Variants in TMEM132D observed in about 807,000 individuals in gnomAD.
TMEM132D encodes mature OL transmembrane protein.
A neutral mutation model predicts 62.3 loss-of-function variants in TMEM132D; 21 were observed. The observed-to-expected ratio is 0.34, with a 90% CI of 0.24 to 0.49. The LOEUF (loss-of-function observed/expected upper bound fraction) is 0.49. Ranked by LOEUF, TMEM132D falls within the 20% of genes least tolerant of loss-of-function variation. The probability of loss-of-function intolerance (pLI) is 0.99; values close to 1 mark genes in which losing one functional copy is unlikely to be tolerated. For synonymous variants in TMEM132D, 621 were observed against 575.6 expected (o/e 1.08, Z -1.13); for missense variants, 1,346 against 1,402.8 (o/e 0.96, Z 0.65).
chr12:129,463,159 T>C (rs1284963975), intron 3 of TMEM132D, among the ~76,000 whole-genome samples: 1 of 152,180 alleles, frequency 6.6e-6, no homozygotes, highest in African/African-American at 2.4e-5. Flanking sequence ...AAACTCTGCT[T>C]TTCTCTCTTA....
At chr12:129,482,290 A>G (rs939045034) in intron 3 of TMEM132D, among the ~76,000 whole-genome samples, 3 of 152,352 alleles carry the variant, frequency 2.0e-5, no homozygotes, top group Middle Eastern at 3.4e-3. Flanking sequence ...GAACGGTTGA[A>G]TTAACTGTGG....
At chr12:129,322,187 C>T (rs929291812) in intron 4 of TMEM132D, among the ~76,000 whole-genome samples, 47 of 151,174 alleles carry the variant, frequency 3.1e-4, no homozygotes, top group African/African-American at 9.7e-4. Flanking sequence ...ATGTTTCCTT[C>T]CTGGTTTTTG....
At chr12:129,502,933 C>T (rs1875199086) in intron 3 of TMEM132D, among the ~76,000 whole-genome samples, 1 of 152,162 alleles carries the variant, frequency 6.6e-6, no homozygotes, top group Non-Finnish European at 1.5e-5. Flanking sequence ...TTCGTCTGTC[C>T]TTTGCCACTA....
At chr12:129,842,155 A>C (rs1593183309) in intron 1 of TMEM132D, among the ~76,000 whole-genome samples, 1 of 107,786 alleles carries the variant, frequency 9.3e-6, no homozygotes, top group Non-Finnish European at 1.8e-5. Context: ...TCACCTTGTT[A>C]GCCAGGATGG....
At chr12:129,433,135 A>T (rs1226876393) in intron 3 of TMEM132D, among the ~76,000 whole-genome samples, 1 of 152,200 alleles carries the variant, frequency 6.6e-6, no homozygotes, top group African/African-American at 2.4e-5. Context: ...GTTCTATGCC[A>T]CAAGTTACTT....
intron 1 of TMEM132D, among the ~76,000 whole-genome samples, chr12:129,726,877 G>C (rs1869053081): frequency 6.6e-6 from 1 of 152,166 alleles, no homozygotes; most frequent in Non-Finnish European, 1.5e-5. Flanking sequence ...CTGAATAGCA[G>C]CTTCCCTGTC....
chr12:129,691,058 G>A (rs1025614989), intron 2 of TMEM132D, among the ~76,000 whole-genome samples: 1 of 151,798 alleles, frequency 6.6e-6, no homozygotes. Flanking sequence ...ACAGATTTTT[G>A]TTAATTAAAA....
chr12:129,869,510 G>A (rs141520518), intron 1 of TMEM132D, among the ~76,000 whole-genome samples: 8 of 152,220 alleles, frequency 5.3e-5, no homozygotes, highest in South Asian at 2.1e-4. Flanking sequence ...TTGTTACGCC[G>A]TATTGCTTTC....
At chr12:129,614,692 CG>C (rs1302820548) in intron 2 of TMEM132D, among the ~76,000 whole-genome samples, 2 of 152,066 alleles carry the variant, frequency 1.3e-5, no homozygotes, top group African/African-American at 4.8e-5. Flanking sequence ...CCAGGCTGGG[CG>C]GGGACTGTGG....
chr12:129,772,511 C>T (rs923220691), intron 1 of TMEM132D, among the ~76,000 whole-genome samples: 2 of 152,186 alleles, frequency 1.3e-5, no homozygotes, highest in African/African-American at 4.8e-5. Context: ...CTGGAAAGGG[C>T]TTCCTATCAA....
intron 3 of TMEM132D, among the ~76,000 whole-genome samples, chr12:129,342,623 T>C (rs1869533646): frequency 6.6e-6 from 1 of 152,020 alleles, no homozygotes. Context: ...GAAACTACCA[T>C]CAGAGTGAAC....
intron 4 of TMEM132D, among the ~76,000 whole-genome samples, chr12:129,330,609 A>C (rs995953452): frequency 7.9e-5 from 12 of 152,216 alleles, no homozygotes; most frequent in Non-Finnish European, 1.6e-4. Flanking sequence ...AAGAGGAGGC[A>C]GAGAGACCTG....
intron 2 of TMEM132D, among the ~76,000 whole-genome samples, chr12:129,573,509 A>G (rs1361902494): frequency 6.6e-6 from 1 of 152,172 alleles, no homozygotes; most frequent in African/African-American, 2.4e-5. Context: ...TAAGTGGGAG[A>G]GGTAGAATTT....
chr12:129,859,312 A>C (rs1287709549), intron 1 of TMEM132D, among the ~76,000 whole-genome samples: 1 of 152,216 alleles, frequency 6.6e-6, no homozygotes, highest in African/African-American at 2.4e-5. Flanking sequence ...GTGTAAAAGT[A>C]ATTGCAGCTT....
In TMEM132D at chr12:129,549,968, C is replaced by T. The variant is rs1462283999; in HGVS notation, c.969-18763G>A. Among the ~76,000 whole-genome samples the T allele has an allele frequency of 3.9e-5, 6 of 152,218 alleles. No individual in the cohort carries two copies. In the East Asian group the frequency reaches 9.7e-4, roughly 25 times the overall value. On this transcript the variant is annotated intron_variant, in intron 2 of 8. Coordinates refer to ENST00000422113, the MANE Select transcript of TMEM132D (RefSeq NM_133448.3). ...GTCTTCAGGTTGCTTGTTACTGAGGCCTAACCTGGATAAACTGTGTCTTAG... is the reference window on the plus strand; with the variant it reads ...GTCTTCAGGTTGCTTGTTACTGAGGTCTAACCTGGATAAACTGTGTCTTAG...
intron 3 of TMEM132D, among the ~76,000 whole-genome samples, chr12:129,495,393 G>T (rs559754241): frequency 6.6e-6 from 1 of 152,270 alleles, no homozygotes; most frequent in East Asian, 1.9e-4. Context: ...CAGACAGAAG[G>T]GGGAGATCGG....
At chr12:129,480,460 A>G (rs1874394893) in intron 3 of TMEM132D, among the ~76,000 whole-genome samples, 1 of 152,254 alleles carries the variant, frequency 6.6e-6, no homozygotes, top group Admixed American at 6.5e-5. Context: ...GACAAAGCTC[A>G]GCTAGGCGGT....
At chr12:129,759,913 C>CT (rs5801881) in intron 1 of TMEM132D, among the ~76,000 whole-genome samples, 30,909 of 148,686 alleles carry the variant, frequency 0.21, 3,359 homozygotes, top group South Asian at 0.27. Context: ...TCTTATTTGC[C>CT]TTTTTTTTTT....
chr12:129,877,636 G>C (rs1281364761), intron 1 of TMEM132D, among the ~76,000 whole-genome samples: 32 of 150,458 alleles, frequency 2.1e-4, no homozygotes, highest in Admixed American at 4.6e-4. Flanking sequence ...CACAGAGAGA[G>C]AGAGAGAGAG....
Sources: gnomAD v4.1 joint callset for allele counts (sites outside exome capture counted in the v4.1 genomes callset) on GRCh38, gnomAD v4.1.1 for gene constraint, MANE v1.5 for transcripts, NCBI Gene and HGNC (gene_info 2026-07-23, HGNC 2026-07-21) for gene names.